Variants in MAGI2 observed in about 807,000 individuals in gnomAD.
MAGI2 encodes membrane-associated guanylate kinase, WW and PDZ domain-containing protein 2.
Under a neutral mutation model 133.3 loss-of-function variants are expected in MAGI2, and 35 were observed. The observed-to-expected ratio is 0.26, with a 90% CI of 0.20 to 0.35. The LOEUF is 0.35. Ranked by LOEUF, MAGI2 falls within the 10% of genes least tolerant of loss-of-function variation. MAGI2 has a pLI of 1.00. For synonymous variants in MAGI2, 729 were observed against 710.6 expected, an observed-to-expected ratio of 1.03 and a Z score of -0.41; for missense variants, 1,636 against 1,863.4, an observed-to-expected ratio of 0.88 and a Z score of 2.25.
At chr7:79,172,582 G>A (rs1825722475) in intron 1 of MAGI2, among the ~76,000 whole-genome samples, 1 of 151,930 alleles carries the variant, frequency 6.6e-6, no homozygotes, top group Non-Finnish European at 1.5e-5. Context: ...CAGAATAGTT[G>A]AGTAAAATAT....
intron 2 of MAGI2, among the ~76,000 whole-genome samples, chr7:78,862,397 G>C (rs942952585): frequency 6.6e-6 from 1 of 152,174 alleles, no homozygotes; most frequent in Non-Finnish European, 1.5e-5. Flanking sequence ...ATTTGGCAAA[G>C]ATTTCTGGGT....
intron 7 of MAGI2, among the ~76,000 whole-genome samples, chr7:78,346,650 C>A (rs888136972): frequency 1.3e-5 from 2 of 152,172 alleles, no homozygotes; most frequent in Non-Finnish European, 2.9e-5. Flanking sequence ...TTGTAGGTAT[C>A]AGACGCAGAG....
intron 3 of MAGI2, among the ~76,000 whole-genome samples, chr7:78,571,362 A>G (rs1801479032): frequency 1.3e-5 from 2 of 152,206 alleles, no homozygotes; most frequent in African/African-American, 4.8e-5. Context: ...TTTGGAATGA[A>G]TATTGGATTT....
chr7:78,310,199 G>A (rs1244481117), intron 9 of MAGI2, among the ~76,000 whole-genome samples: 6 of 152,126 alleles, frequency 3.9e-5, no homozygotes, highest in Admixed American at 1.3e-4. Flanking sequence ...CACTTTGAGA[G>A]GCAGAGGCGG....
At chr7:78,557,947 T>G (rs545800472) in intron 3 of MAGI2, among the ~76,000 whole-genome samples, 8 of 150,142 alleles carry the variant, frequency 5.3e-5, no homozygotes, top group African/African-American at 2.0e-4. Flanking sequence ...CTCTCTCTAC[T>G]GATCCTCTTT....
At chr7:78,434,102 G>A (rs570191986) in intron 6 of MAGI2, among the ~76,000 whole-genome samples, 15 of 152,154 alleles carry the variant, frequency 9.9e-5, no homozygotes, top group African/African-American at 3.6e-4. Flanking sequence ...TAGATTCTTA[G>A]ATTAGATGAT....
chr7:79,115,195 A>C (rs545098999), intron 1 of MAGI2, among the ~76,000 whole-genome samples: 1 of 152,288 alleles, frequency 6.6e-6, no homozygotes, highest in African/African-American at 2.4e-5. Flanking sequence ...TGTCTACCTT[A>C]AGAGAAAACC....
At chr7:79,248,355 C>A (rs937785438) in intron 1 of MAGI2, among the ~76,000 whole-genome samples, 2 of 151,986 alleles carry the variant, frequency 1.3e-5, no homozygotes, top group African/African-American at 4.8e-5. Flanking sequence ...CACGGAACAA[C>A]CCAGATTATA....
intron 1 of MAGI2, among the ~76,000 whole-genome samples, chr7:79,066,652 C>T (rs908734863): frequency 3.3e-5 from 5 of 152,034 alleles, no homozygotes; most frequent in African/African-American, 1.2e-4. Context: ...GTTGCCATTG[C>T]TTTTGGTGTT....
intron 2 of MAGI2, among the ~76,000 whole-genome samples, chr7:78,853,066 A>G (rs1446040824): frequency 6.6e-6 from 1 of 152,094 alleles, no homozygotes; most frequent in African/African-American, 2.4e-5. Flanking sequence ...AAAGCAACCC[A>G]AGAAAAAATG....
chr7:78,821,862 TTTTC>T (rs1192332763), intron 2 of MAGI2, among the ~76,000 whole-genome samples: 5 of 151,702 alleles, frequency 3.3e-5, no homozygotes, highest in Admixed American at 3.3e-4. Flanking sequence ...GGTTAGATTT[TTTTC>T]ATAAAAGAAA....
chr7:78,454,744 G>T (rs146309078), intron 6 of MAGI2, among the ~76,000 whole-genome samples: 9 of 152,164 alleles, frequency 5.9e-5, no homozygotes, highest in African/African-American at 2.2e-4. Context: ...GAGATAAAAC[G>T]CAATGAGCTC....
intron 2 of MAGI2, among the ~76,000 whole-genome samples, chr7:78,807,926 A>T (rs1788720704): frequency 6.6e-6 from 1 of 152,184 alleles, no homozygotes; most frequent in Admixed American, 6.5e-5. Flanking sequence ...GCTTACGCAG[A>T]TAGTAGATGC....
intron 1 of MAGI2, among the ~76,000 whole-genome samples, chr7:79,378,285 A>T (rs1843516324): frequency 6.6e-6 from 1 of 151,838 alleles, no homozygotes; most frequent in African/African-American, 2.4e-5. Flanking sequence ...CTTATATAAC[A>T]CTAACAATGT....
intron 1 of MAGI2, among the ~76,000 whole-genome samples, chr7:79,051,756 C>CTAA (rs1293906854): frequency 4.6e-5 from 7 of 152,000 alleles, no homozygotes; most frequent in Non-Finnish European, 1.0e-4. Flanking sequence ...CTATGCAAAG[C>CTAA]TAAGAATCAT....
intron 20 of MAGI2, among the ~76,000 whole-genome samples, chr7:78,102,360 CA>C (rs1203161291): frequency 1.3e-5 from 2 of 151,952 alleles, no homozygotes; most frequent in Non-Finnish European, 2.9e-5. Context: ...CTCACCACCA[CA>C]AAAAAATTAA....
intron 6 of MAGI2, among the ~76,000 whole-genome samples, chr7:78,454,745 C>T (rs1584211044): frequency 1.3e-5 from 2 of 152,068 alleles, no homozygotes; most frequent in South Asian, 4.1e-4. Context: ...AGATAAAACG[C>T]AATGAGCTCT....
At chr7:79,102,681 G>A (rs1460629604) in intron 1 of MAGI2, among the ~76,000 whole-genome samples, 1 of 152,136 alleles carries the variant, frequency 6.6e-6, no homozygotes, top group African/African-American at 2.4e-5. Context: ...CTGATCATTT[G>A]TAAGTAGGGT....
chr7:78,121,429 GA>G lies in MAGI2; in HGVS notation c.3567+4264del, dbSNP rs1266695890. Among the ~76,000 whole-genome samples, 12 of 152,180 alleles carry G rather than the reference GA, an allele frequency of 7.9e-5. 1 individual carries two copies. Among genetic ancestry groups the G allele is most frequent in the African/African-American group, 2.6e-4 (11 of 41,518 alleles). On this transcript the variant is annotated intron_variant, in intron 20 of 21. Transcript: ENST00000354212. ...GAAGAAATATTCAACAGAAAATGAG[GA>G]AAGACATGTACAGGCATTTTTTAGT...
Sources: gnomAD v4.1 joint callset for allele counts (sites outside exome capture counted in the v4.1 genomes callset) on GRCh38, gnomAD v4.1.1 for gene constraint, MANE v1.5 for transcripts, NCBI Gene and HGNC (gene_info 2026-07-23, HGNC 2026-07-21) for gene names.